The following B3GALT9 variants were observed in gnomAD, a reference collection of about 807,000 sequenced individuals.
B3GALT9 encodes the protein beta-1,3-galactosyltransferase 9, also known as UDP-GlcNAc:betaGal beta-1,3-N-acetylglucosaminyltransferase 10 (putative).
chr9:120,795,782 T>A (rs1479100951), intron 1 of B3GALT9, among the ~76,000 whole-genome samples: 1 of 152,224 alleles, frequency 6.6e-6, no homozygotes, highest in East Asian at 1.9e-4. Flanking sequence ...CATGAAAATA[T>A]GCTGAATGTT....
In B3GALT9 at chr9:120,799,564, A is replaced by G; in HGVS notation, c.996A>G (p.Thr332=). Residue 332 remains threonine, a synonymous_variant, in exon 3 of 3, where the codon ACA becomes ACG. Coordinates refer to ENST00000689072, the MANE Select transcript of B3GALT9 (RefSeq NM_001386823.1). Reference sequence around the variant, plus strand: ...AAATTAATGATGGAAAAGAATGTACACTGTTTGAGACATCCTATGAGCTCA... The same window carrying G: ...AAATTAATGATGGAAAAGAATGTACGCTGTTTGAGACATCCTATGAGCTCA... ...WKEINDGKEC[T]LFETSYELIS... is the part of the protein sequence containing the mutation. 7.5e-6 allele frequency: 3 copies of G among 399,730 alleles called. No homozygotes were observed. In the Admixed American group the frequency reaches 1.3e-4, roughly 18 times the overall value. The allele number at this position is 399,730 out of a possible 1,614,324, so 24.8% of individuals were successfully genotyped here.
intron 1 of B3GALT9, among the ~76,000 whole-genome samples, chr9:120,795,842 T>C (rs1371633948): frequency 6.6e-6 from 1 of 152,224 alleles, no homozygotes; most frequent in Non-Finnish European, 1.5e-5. Flanking sequence ...TTTGGGATAA[T>C]TCCTACACAT....
rs2044905952 is a variant in B3GALT9 at position 120,793,564 on chromosome 9, G to T, written c.-540G>T. 2 of 400,400 alleles carry T rather than the reference G, an allele frequency of 5.0e-6. No homozygotes were observed. The highest frequency in any genetic ancestry group is 8.8e-6 in the Non-Finnish European group (2 of 227,156). 24.8% of individuals were successfully genotyped at this position (400,400 alleles called of 1,614,324 possible). A position where few individuals can be genotyped will look rare whatever the true frequency, so the allele number is the denominator to read the frequency against. ...TCCCGGGAAGCTGAACGCGTGCCGC[G>T]CGGCCCTCACGGTGCTTAGGCTGGG... is the stretch of plus-strand genomic sequence containing the variant. On this transcript the variant is annotated 5_prime_UTR_variant, in exon 1 of 3. Transcript: ENST00000689072.
At chr9:120,795,411 G>C (rs1444768049) in intron 1 of B3GALT9, among the ~76,000 whole-genome samples, 1 of 152,196 alleles carries the variant, frequency 6.6e-6, no homozygotes, top group Non-Finnish European at 1.5e-5. Flanking sequence ...TTTAAGCCCA[G>C]AGGGGATCCA....
At chr9:120,796,939 C>T (rs889323452) in intron 2 of B3GALT9, among the ~76,000 whole-genome samples, 1 of 151,982 alleles carries the variant, frequency 6.6e-6, no homozygotes, top group African/African-American at 2.4e-5. Context: ...TGCCTGTAAT[C>T]CCAGCTACTT....
At chr9:120,798,513 A>G (rs781599971) in intron 2 of B3GALT9, 62 bp from the exon 3 acceptor site, 40 of 399,140 alleles carry the variant, frequency 1.0e-4, no homozygotes, top group Non-Finnish European at 1.7e-4. Flanking sequence ...ATAGGGTTCA[A>G]TGAGGGCAAA....
rs560191420 is a variant in B3GALT9 at position 120,800,272 on chromosome 9, C to T, written c.*594C>T. Among the ~76,000 whole-genome samples, 1 of 152,208 alleles carries T rather than the reference C, an allele frequency of 6.6e-6. No individual in the cohort carries two copies. Among genetic ancestry groups the T allele is most frequent in the African/African-American group, 2.4e-5 (1 of 41,542 alleles). Reference sequence around the variant, plus strand: ...AGCTGGGATTACAGGTGCCTGCCACCACGCCTGGCTAATTTTTGGTATTTT... The same window carrying T: ...AGCTGGGATTACAGGTGCCTGCCACTACGCCTGGCTAATTTTTGGTATTTT... On this transcript the variant is annotated 3_prime_UTR_variant, in exon 3 of 3. Coordinates refer to ENST00000689072, the MANE Select transcript of B3GALT9 (RefSeq NM_001386823.1).
chr9:120,799,180 A>G lies in B3GALT9; in HGVS notation c.612A>G (p.Leu204=). 2 of 399,086 alleles carry G rather than the reference A, an allele frequency of 5.0e-6. No individual in the cohort carries two copies. The highest frequency in any genetic ancestry group is 7.1e-5 in the East Asian group (2 of 28,076). 24.7% of individuals were successfully genotyped at this position (399,086 alleles called of 1,614,324 possible). Reference sequence around the variant, plus strand: ...ATCTTCTCAATCTGAAAGAACACCTAGAAGATATCTATGTAGGAAGAGTTC... The same window carrying G: ...ATCTTCTCAATCTGAAAGAACACCTGGAAGATATCTATGTAGGAAGAGTTC... ...VDYLLNLKEH[L]EDIYVGRVLH... The change falls in exon 3 of 3, where the codon CTA becomes CTG. Residue 204 remains leucine, a synonymous_variant. Transcript: ENST00000689072.
rs2044954839 is a variant in B3GALT9 at position 120,798,936 on chromosome 9, C to T, written c.368C>T (p.Ala123Val). 1 of 399,030 alleles carries T rather than the reference C, an allele frequency of 2.5e-6. No individual in the cohort carries two copies. Among genetic ancestry groups the T allele is most frequent in the East Asian group, 3.6e-5 (1 of 28,082 alleles). 24.7% of individuals were successfully genotyped at this position (399,030 alleles called of 1,614,324 possible). A position where few individuals can be genotyped will look rare whatever the true frequency, so the allele number is the denominator to read the frequency against. Residue 123 changes from alanine (A) to valine (V), a missense_variant, in exon 3 of 3, where the codon GCT becomes GTT. Coordinates refer to ENST00000689072, the MANE Select transcript of B3GALT9 (RefSeq NM_001386823.1). ...VQGHPILTLF[A>V]LGMPVSVTTQ... Reference sequence around the variant, plus strand: ...GGGCATCCCATTCTCACACTGTTTGCTCTGGGAATGCCTGTTTCGGTAACT... The same window carrying T: ...GGGCATCCCATTCTCACACTGTTTGTTCTGGGAATGCCTGTTTCGGTAACT...
Position 120,793,639 on chromosome 9 carries a change from A to G in B3GALT9, c.-465A>G. 1 of 398,794 alleles carries G rather than the reference A, an allele frequency of 2.5e-6. No individual in the cohort carries two copies. The highest frequency in any genetic ancestry group is 4.4e-6 in the Non-Finnish European group (1 of 226,130). The allele number at this position is 398,794 out of a possible 1,614,324, so 24.7% of individuals were successfully genotyped here. On this transcript the variant is annotated 5_prime_UTR_variant, in exon 1 of 3. Coordinates refer to ENST00000689072, the MANE Select transcript of B3GALT9 (RefSeq NM_001386823.1). ...TCGTACCGTACATCCAGGTTTGCAC[A>G]GCGCGCTTATGTCCCTCCTCCAATC...
chr9:120,797,326 C>T (rs2044946318), intron 2 of B3GALT9, among the ~76,000 whole-genome samples: 1 of 151,602 alleles, frequency 6.6e-6, no homozygotes, highest in South Asian at 2.1e-4. Context: ...GCCAACATTG[C>T]AAAACCCCAT....
In B3GALT9 at chr9:120,800,858, C is replaced by G. The variant is rs1376586639; in HGVS notation, c.*1180C>G. On this transcript the variant is annotated 3_prime_UTR_variant, in exon 3 of 3. Transcript: ENST00000689072. ...TAACAAAAATGTTGGATCTCTTGGC[C>G]ATATCTGCCAAGTTTTCCCAACCCC... 6.6e-6 allele frequency among the ~76,000 whole-genome samples: 1 copy of G among 152,192 alleles called. No individual in the cohort carries two copies. The highest frequency in any genetic ancestry group is 6.5e-5 in the Admixed American group (1 of 15,276).
Position 120,799,022 on chromosome 9 carries a change from T to C in B3GALT9, c.454T>C (p.Leu152=), listed in dbSNP as rs1242848996. The change falls in exon 3 of 3, where the codon TTG becomes CTG. Residue 152 remains leucine, a synonymous_variant. Coordinates refer to ENST00000689072, the MANE Select transcript of B3GALT9 (RefSeq NM_001386823.1). ...TAATGATATAATTGAAGGAATCTTC[T>C]TGGACAGTTCTGAGAACCAAACCCT... is the stretch of plus-strand genomic sequence containing the variant. The part of the protein sequence containing the change: ...KNNDIIEGIF[L]DSSENQTLKI... 7.5e-6 allele frequency: 3 copies of C among 398,960 alleles called. No individual in the cohort carries two copies. The highest frequency in any genetic ancestry group is 1.3e-5 in the Non-Finnish European group (3 of 226,078). The allele number at this position is 398,960 out of a possible 1,614,324, so 24.7% of individuals were successfully genotyped here.
rs1268904189 is a variant in B3GALT9, at chr9:120,796,547, C to T, written c.-57C>T. On this transcript the variant is annotated 5_prime_UTR_variant, in exon 2 of 3. Coordinates refer to ENST00000689072, the MANE Select transcript of B3GALT9 (RefSeq NM_001386823.1). ...AGAGTGATCCTGAGATGCGTTTGGG[C>T]ATAATTGGCACCTGGACTCAATAAT... is the stretch of plus-strand genomic sequence containing the variant. 6.6e-6 allele frequency: 1 copy of T among 152,164 alleles called. No homozygotes were observed. The highest frequency in any genetic ancestry group is 2.1e-4 in the South Asian group (1 of 4,832). The allele number at this position is 152,164 out of a possible 1,614,324, so 9.4% of individuals were successfully genotyped here.
chr9:120,798,529 G>A (rs1165168760), intron 2 of B3GALT9, 46 bp from the exon 3 acceptor site: 1 of 399,288 alleles, frequency 2.5e-6, no homozygotes, highest in Non-Finnish European at 4.4e-6. Context: ...GCAAAAACAG[G>A]AATAGAGGTG....
intron 1 of B3GALT9, among the ~76,000 whole-genome samples, chr9:120,795,165 G>T (rs1002687226): frequency 6.6e-5 from 10 of 152,198 alleles, no homozygotes; most frequent in African/African-American, 2.4e-4. Flanking sequence ...AAGTCAGAAC[G>T]TGACTGATCA....
In B3GALT9 at chr9:120,799,949, C is replaced by A; in HGVS notation, c.*271C>A. 1.3e-5 allele frequency: 2 copies of A among 150,514 alleles called. No individual in the cohort carries two copies. Among genetic ancestry groups the A allele is most frequent in the East Asian group, 1.2e-4 (1 of 8,120 alleles). The allele number at this position is 150,514 out of a possible 1,614,324, so 9.3% of individuals were successfully genotyped here. Reference sequence around the variant, plus strand: ...TATGTTTCATTGTTTATTTAGTTTTCGTTTTTTTTTTTTCTTTTGAGACAG... The same window carrying A: ...TATGTTTCATTGTTTATTTAGTTTTAGTTTTTTTTTTTTCTTTTGAGACAG... On this transcript the variant is annotated 3_prime_UTR_variant, in exon 3 of 3. Coordinates refer to ENST00000689072, the MANE Select transcript of B3GALT9 (RefSeq NM_001386823.1).
At chr9:120,798,485 A>G (rs2044952468) in intron 2 of B3GALT9, 90 bp from the exon 3 acceptor site, 2 of 398,472 alleles carry the variant, frequency 5.0e-6, no homozygotes, top group Admixed American at 4.4e-5. Context: ...GTACTGCTAA[A>G]TGCTGTGAGA....
chr9:120,793,479 C>A lies in B3GALT9; in HGVS notation c.-625C>A. The A allele has an allele frequency of 2.5e-6, 1 of 398,952 alleles. No homozygotes were observed. Among genetic ancestry groups the A allele is most frequent in the African/African-American group, 2.1e-5 (1 of 48,722 alleles). 24.7% of individuals were successfully genotyped at this position (398,952 alleles called of 1,614,324 possible). A position where few individuals can be genotyped will look rare whatever the true frequency, so the allele number is the denominator to read the frequency against. The stretch of plus-strand genomic sequence containing the variant: ...GGCGGAAGCGGCTGCACTTCCGGTC[C>A]CCGCCCGGAGGTGGGTGGTGGGAGG... On this transcript the variant is annotated 5_prime_UTR_variant, in exon 1 of 3. Transcript: ENST00000689072.
Sources: allele counts gnomAD v4.1 joint callset (sites outside exome capture counted in the v4.1 genomes callset), GRCh38; gene constraint gnomAD v4.1.1; transcripts MANE v1.5; gene names NCBI Gene and HGNC (gene_info 2026-07-23, HGNC 2026-07-21).